Variants in WFDC1 observed in about 807,000 individuals in gnomAD.
WFDC1 encodes the protein WAP four-disulfide core domain 1.
A neutral mutation model predicts 32.9 loss-of-function variants in WFDC1; 39 were observed. The ratio of observed to expected loss-of-function variants is 1.19; its 90% CI spans 0.92 to 1.55. WFDC1 has a LOEUF of 1.55. Ranked by LOEUF, WFDC1 falls within the 40% of genes most tolerant of loss-of-function variation. The pLI is 0.00. For missense variants in WFDC1, 386 were observed against 309.5 expected, an observed-to-expected ratio of 1.25 and a Z score of -1.85; for synonymous variants, 184 against 137.4, an observed-to-expected ratio of 1.34 and a Z score of -2.37.
intron 5 of WFDC1, chr16:84,325,840 G>A (rs55896961): frequency 0.59 from 88,691 of 151,546 alleles, 26,512 homozygotes; most frequent in East Asian, 0.71. Context: ...CTATTTGCCC[G>A]TACATCCATT....
chr16:84,319,670 GCCCCA>G, intron 4 of WFDC1, 99 bp downstream of exon 4: 1 of 1,502,326 alleles, frequency 6.7e-7, no homozygotes, highest in African/African-American at 1.4e-5. Context: ...CCAGGAAGCA[GCCCCA>G]GCACCTGGGC....
chr16:84,319,961 T>G (rs1014918452), intron 4 of WFDC1, among the ~76,000 whole-genome samples: 11 of 152,162 alleles, frequency 7.2e-5, no homozygotes, highest in African/African-American at 2.7e-4. Context: ...TAAGGAATAG[T>G]AGGTGGTCAG....
rs1908792293 is a variant in WFDC1, at chr16:84,329,395, A to T, written c.*89A>T. ...TTGGGAAAAGTAGTTTGACCCTCAC[A>T]GTTCACATTCAGCTCAGCAGAGCAA... On this transcript the variant is annotated 3_prime_UTR_variant, in exon 7 of 7. Coordinates refer to ENST00000219454, the MANE Select transcript of WFDC1 (RefSeq NM_021197.4). The T allele has an allele frequency of 6.6e-6, 1 of 152,168 alleles. No individual in the cohort carries two copies. Among genetic ancestry groups the T allele is most frequent in the Non-Finnish European group, 1.5e-5 (1 of 68,036 alleles). 9.4% of individuals were successfully genotyped at this position (152,168 alleles called of 1,614,324 possible). A position where few individuals can be genotyped will look rare whatever the true frequency, so the allele number is the denominator to read the frequency against.
Position 84,324,287 on chromosome 16 carries a change from C to G in WFDC1, c.563-132C>G, listed in dbSNP as rs967142797. On this transcript the variant is annotated intron_variant, in intron 4 of 6. Coordinates refer to ENST00000219454, the MANE Select transcript of WFDC1 (RefSeq NM_021197.4). ...GACATTACAAATGCTCATGTAGCCT[C>G]TGAACAATTCCATTGTACACTAGTG... 1.7e-4 allele frequency: 128 copies of G among 767,050 alleles called. 1 individual carries two copies. The South Asian group carries it at 2.0e-3, about 12-fold the overall frequency. 47.5% of individuals were successfully genotyped at this position (767,050 alleles called of 1,614,324 possible).
Position 84,318,372 on chromosome 16 carries a change from G to A in WFDC1, c.421+17G>A. The A allele has an allele frequency of 2.5e-6, 4 of 1,613,012 alleles. No individual in the cohort carries two copies. The highest frequency in any genetic ancestry group is 2.2e-5 in the East Asian group (1 of 44,844). ...TGTTACAAGGTACCTGCCGGGTAAA[G>A]CCCAGACCCTACATCCAAGCCTCGA... On this transcript the variant is annotated intron_variant, in intron 3 of 6. Transcript: ENST00000219454.
At chr16:84,298,910 C>T (rs1906767361) in intron 1 of WFDC1, among the ~76,000 whole-genome samples, 2 of 152,216 alleles carry the variant, frequency 1.3e-5, no homozygotes, top group Non-Finnish European at 2.9e-5. Context: ...GAGTTTCCTT[C>T]TCCTATCTGA....
intron 1 of WFDC1, among the ~76,000 whole-genome samples, chr16:84,307,043 G>C (rs1907305660): frequency 6.6e-6 from 1 of 152,174 alleles, no homozygotes; most frequent in Non-Finnish European, 1.5e-5. Flanking sequence ...GGGCAGATAT[G>C]GTGGGTGGGC....
At chr16:84,297,617 CAAAAAAAA>C (rs150683526) in intron 1 of WFDC1, among the ~76,000 whole-genome samples, 7 of 69,460 alleles carry the variant, frequency 1.0e-4, no homozygotes, top group South Asian at 6.7e-4. Flanking sequence ...AACTCTGTCT[CAAAAAAAA>C]AAAAAAAAAA....
chr16:84,295,431 T>C (rs1703644266), intron 1 of WFDC1: 1 of 487,256 alleles, frequency 2.1e-6, no homozygotes, highest in South Asian at 4.2e-5. Context: ...CCCCAGGATT[T>C]AAACGGAGCA....
intron 5 of WFDC1, 97 bp from the exon 6 acceptor site, chr16:84,326,785 G>A: frequency 1.4e-6 from 2 of 1,470,706 alleles, no homozygotes; most frequent in Non-Finnish European, 1.9e-6. Flanking sequence ...AGAGGGCCAG[G>A]TCACCAGGCT....
At chr16:84,303,980 A>T (rs929169393) in intron 1 of WFDC1, among the ~76,000 whole-genome samples, 1 of 152,182 alleles carries the variant, frequency 6.6e-6, no homozygotes, top group African/African-American at 2.4e-5. Flanking sequence ...TTTTCACTTA[A>T]TAATCTGTGG....
chr16:84,316,039 C>G (rs1907926954), intron 2 of WFDC1: 1 of 152,240 alleles, frequency 6.6e-6, no homozygotes, highest in South Asian at 2.1e-4. Context: ...TGCTCAGAAG[C>G]CTTTGATCAA....
At chr16:84,326,532 G>A in intron 5 of WFDC1, 1 of 242,362 alleles carries the variant, frequency 4.1e-6, no homozygotes, top group Non-Finnish European at 8.2e-6. Flanking sequence ...GCTTCCTAAG[G>A]AGGAGACATG....
At chr16:84,297,179 C>T (rs1342047447) in intron 1 of WFDC1, among the ~76,000 whole-genome samples, 2 of 152,124 alleles carry the variant, frequency 1.3e-5, no homozygotes, top group South Asian at 2.1e-4. Context: ...CCTGGGTGGG[C>T]TGCAGGAGCT....
chr16:84,297,133 T>C (rs1366825045), intron 1 of WFDC1: 1 of 152,184 alleles, frequency 6.6e-6, no homozygotes, highest in Non-Finnish European at 1.5e-5. Flanking sequence ...AGGGTTGATA[T>C]GCGCGGGGGA....
At chr16:84,299,108 C>A (rs902391552) in intron 1 of WFDC1, among the ~76,000 whole-genome samples, 1 of 152,168 alleles carries the variant, frequency 6.6e-6, no homozygotes, top group African/African-American at 2.4e-5. Flanking sequence ...TGCCTGTAAT[C>A]CCAGCACTTT....
chr16:84,319,632 C>A (rs78505111), intron 4 of WFDC1, 61 bp downstream of exon 4: 1 of 1,580,142 alleles, frequency 6.3e-7, no homozygotes, highest in Non-Finnish European at 8.6e-7. Context: ...TCCCTGTAAG[C>A]GCCTCTCACC....
At chr16:84,307,321 T>C (rs957163128) in intron 1 of WFDC1, among the ~76,000 whole-genome samples, 4 of 152,190 alleles carry the variant, frequency 2.6e-5, no homozygotes, top group Admixed American at 6.5e-5. Flanking sequence ...CCTCTTTGAG[T>C]GTCACCTTGC....
chr16:84,319,829 C>T (rs773219695), intron 4 of WFDC1, among the ~76,000 whole-genome samples: 55 of 152,314 alleles, frequency 3.6e-4, no homozygotes, highest in Middle Eastern at 3.4e-3. Context: ...CCCAGCTGGG[C>T]GACACTGGGG....
Sources: gnomAD v4.1 joint callset for allele counts (sites outside exome capture counted in the v4.1 genomes callset) on GRCh38, gnomAD v4.1.1 for gene constraint, MANE v1.5 for transcripts, NCBI Gene and HGNC (gene_info 2026-07-23, HGNC 2026-07-21) for gene names.